The following DMD variants were observed in gnomAD, a reference collection of about 807,000 sequenced individuals.
DMD encodes dystrophin.
In DMD, 63 loss-of-function variants were observed where a neutral mutation model predicts 330.1. That is an observed-to-expected ratio of 0.19 (90% confidence interval 0.16 to 0.24). The LOEUF (loss-of-function observed/expected upper bound fraction) is 0.24, where lower values mean the gene tolerates loss of function less well. Among genes scored for constraint, DMD ranks in the 10% least tolerant of loss-of-function variants. The pLI is 1.00. For synonymous variants in DMD, 1,223 were observed against 959.8 expected (o/e 1.27, Z -5.07); for missense variants, 3,344 against 2,684.1 (o/e 1.25, Z -5.43).
At chrX:32,157,588 T>G (rs2096835162) in intron 44 of DMD, among the ~76,000 whole-genome samples, 1 of 112,506 alleles carries the variant, frequency 8.9e-6, no homozygotes, top group South Asian at 3.7e-4. Context: ...ATTCTGGAAC[T>G]AGTTATCAGG....
intron 1 of DMD, among the ~76,000 whole-genome samples, chrX:33,117,983 A>G (rs919388315): frequency 9.0e-6 from 1 of 111,653 alleles, no homozygotes; most frequent in African/African-American, 3.3e-5. Context: ...AATTCAGGTC[A>G]TTAGTCATGG....
intron 1 of DMD, among the ~76,000 whole-genome samples, chrX:33,305,580 T>TA (rs1027331245): frequency 1.1e-5 from 1 of 87,056 alleles, no homozygotes; most frequent in South Asian, 5.4e-4. Flanking sequence ...TAATAAAATT[T>TA]AAAAAAAATG....
At chrX:33,291,956 C>T (rs990184399) in intron 1 of DMD, among the ~76,000 whole-genome samples, 2 of 111,819 alleles carry the variant, frequency 1.8e-5, no homozygotes, top group Admixed American at 1.9e-4. Flanking sequence ...CCAATTTTAA[C>T]ATTTAATACA....
intron 7 of DMD, among the ~76,000 whole-genome samples, chrX:32,771,233 A>C (rs1240887090): frequency 8.9e-6 from 1 of 111,961 alleles, no homozygotes; most frequent in Non-Finnish European, 1.9e-5. Context: ...ACTACATCTA[A>C]ACATTTTTTG....
intron 44 of DMD, among the ~76,000 whole-genome samples, chrX:32,022,028 A>G (rs1030592805): frequency 6.2e-5 from 7 of 112,393 alleles, no homozygotes; most frequent in Non-Finnish European, 1.3e-4. Flanking sequence ...TTATAAAACT[A>G]TGGACACCTT....
At chrX:32,398,930 T>G (rs1401762488) in intron 30 of DMD, among the ~76,000 whole-genome samples, 2 of 111,293 alleles carry the variant, frequency 1.8e-5, no homozygotes, top group Non-Finnish European at 3.8e-5. Flanking sequence ...AACACAGAGA[T>G]AAATCCATAC....
chrX:32,105,285 T>A (rs2096559316), intron 44 of DMD, among the ~76,000 whole-genome samples: 1 of 111,887 alleles, frequency 8.9e-6, no homozygotes, highest in African/African-American at 3.2e-5. Flanking sequence ...ACTTTTGCAC[T>A]CAACAAGCAC....
chrX:32,778,221 CT>C (rs756856874), intron 7 of DMD, among the ~76,000 whole-genome samples: 1 of 96,899 alleles, frequency 1.0e-5, no homozygotes, highest in South Asian at 5.0e-4. Context: ...TGCTAAACAT[CT>C]TTTAAAATGT....
intron 29 of DMD, among the ~76,000 whole-genome samples, chrX:32,429,384 TGGG>T (rs1175380621): frequency 4.1e-5 from 3 of 72,824 alleles, no homozygotes; most frequent in Admixed American, 3.6e-4. Context: ...TACTTTTTTT[TGGG>T]TTTTTTTTTT....
chrX:32,485,002 A>G lies in DMD; in HGVS notation c.2720T>C (p.Leu907Pro), dbSNP rs1060502654. The change falls in exon 21 of 79, where the codon CTG becomes CCG. Residue 907 changes from leucine (L) to proline (P), a missense_variant. Transcript: ENST00000357033. ...LKEKGQGPMF[L>P]DADFVAFTNH... ...TGTAAAGGCCACAAAGTCTGCATCC[A>G]GGAACATGGGTCCTTGTCCTTTCTC... 2 of 1,211,742 alleles carry G rather than the reference A, an allele frequency of 1.7e-6. No individual in the cohort carries two copies. Among genetic ancestry groups the G allele is most frequent in the Non-Finnish European group, 2.2e-6 (2 of 895,315 alleles).
intron 60 of DMD, among the ~76,000 whole-genome samples, chrX:31,366,496 A>AAAAAAAAAC: frequency 1.6e-5 from 1 of 63,492 alleles, no homozygotes; most frequent in African/African-American, 6.3e-5. Flanking sequence ...AAAAAAAAAA[A>AAAAAAAAAC]CATAAAAAAA....
intron 1 of DMD, among the ~76,000 whole-genome samples, chrX:33,103,686 G>T (rs897912120): frequency 5.3e-4 from 59 of 111,509 alleles, no homozygotes; most frequent in South Asian, 7.5e-4. Context: ...CTCACACAAA[G>T]CCTGTTTGGT....
At chrX:32,074,953 T>G (rs1290439878) in intron 44 of DMD, among the ~76,000 whole-genome samples, 1 of 110,367 alleles carries the variant, frequency 9.1e-6, no homozygotes, top group Non-Finnish European at 1.9e-5. Context: ...GAAAATTTAG[T>G]CCTAAAACTT....
Position 31,728,012 on chromosome X carries a change from T to C in DMD, c.7660+1619A>G, listed in dbSNP as rs73459845. 8.3e-3 allele frequency among the ~76,000 whole-genome samples: 933 copies of C among 112,435 alleles called. 17 individuals carry two copies. Among genetic ancestry groups the C allele is most frequent in the African/African-American group, 0.029 (886 of 30,981 alleles). The stretch of plus-strand genomic sequence containing the variant: ...AAGTCAGAAAGAGACATTTACAAAT[T>C]CCAAGCTCTGTTCTTTGCTTGTTTG... On this transcript the variant is annotated intron_variant, in intron 52 of 78. Coordinates refer to ENST00000357033, the MANE Select transcript of DMD (RefSeq NM_004006.3).
At chrX:31,611,492 T>G (rs2148300428) in intron 55 of DMD, among the ~76,000 whole-genome samples, 1 of 112,226 alleles carries the variant, frequency 8.9e-6, no homozygotes, top group Non-Finnish European at 1.9e-5. Context: ...CTGAAGAAGC[T>G]GTGCCTTTTT....
chrX:31,972,819 C>T (rs953034607), intron 44 of DMD, among the ~76,000 whole-genome samples: 2 of 111,439 alleles, frequency 1.8e-5, no homozygotes, highest in African/African-American at 6.5e-5. Context: ...AGTTGTGAAA[C>T]AGACTTTTAT....
At chrX:32,548,272 A>G (rs1327921856) in intron 16 of DMD, among the ~76,000 whole-genome samples, 1 of 112,034 alleles carries the variant, frequency 8.9e-6, no homozygotes, top group Non-Finnish European at 1.9e-5. Flanking sequence ...AATTGTGAAG[A>G]TGAATGCCAC....
intron 2 of DMD, among the ~76,000 whole-genome samples, chrX:32,978,437 G>A (rs1054117686): frequency 2.7e-5 from 3 of 111,780 alleles, no homozygotes; most frequent in Admixed American, 9.5e-5. Context: ...CCCTAAAATA[G>A]CAAAATAGCA....
At chrX:31,230,477 T>A (rs1279157240) in intron 63 of DMD, among the ~76,000 whole-genome samples, 5 of 109,838 alleles carry the variant, frequency 4.6e-5, no homozygotes, top group African/African-American at 1.7e-4. Context: ...TGAAACCCCG[T>A]CTCTATTAAA....
Sources: allele counts gnomAD v4.1 joint callset (sites outside exome capture counted in the v4.1 genomes callset), GRCh38; gene constraint gnomAD v4.1.1; transcripts MANE v1.5; gene names NCBI Gene and HGNC (gene_info 2026-07-23, HGNC 2026-07-21).